Variants in SUCLG1 observed in about 807,000 individuals in gnomAD.
SUCLG1 encodes the protein succinate--CoA ligase [ADP/GDP-forming] subunit alpha, mitochondrial.
In SUCLG1, 26 loss-of-function variants were observed where a neutral mutation model predicts 37.3. That is an observed-to-expected ratio of 0.70 (90% CI 0.51 to 0.97). The LOEUF is 0.97. Ranked by LOEUF, SUCLG1 falls within the 50% of genes least tolerant of loss-of-function variation. The pLI is 0.00. For synonymous variants in SUCLG1, 163 were observed against 155.6 expected, an observed-to-expected ratio of 1.05 and a Z score of -0.36; for missense variants, 433 against 432.9, an observed-to-expected ratio of 1.00 and a Z score of 0.00.
chr2:84,442,150 C>G (rs1441290084), intron 3 of SUCLG1, among the ~76,000 whole-genome samples: 1 of 119,058 alleles, frequency 8.4e-6, no homozygotes, highest in African/African-American at 3.3e-5. Context: ...GATTGCTTAG[C>G]AAGAAGAACT....
In SUCLG1 at chr2:84,459,222, G is replaced by A. The variant is rs896561949; in HGVS notation, c.48C>T (p.Ser16=). 5.2e-6 allele frequency: 8 copies of A among 1,550,310 alleles called. No individual in the cohort carries two copies. In the African/African-American group the frequency reaches 9.6e-5, roughly 19 times the overall value. Residue 16 remains serine (S), a synonymous_variant, in exon 1 of 9, where the codon TCC becomes TCT. Coordinates refer to ENST00000393868, the MANE Select transcript of SUCLG1 (RefSeq NM_003849.4). ...GGGCGGCGGCGAGGCCGCTGCTGCC[G>A]GAGACCATGGTAGCGATGTCAGCGG... ...AAAADIATMV[S]GSSGLAAARL... is the part of the protein sequence containing the mutation.
At chr2:84,427,518 A>G (rs1390206861) in intron 7 of SUCLG1, among the ~76,000 whole-genome samples, 2 of 152,248 alleles carry the variant, frequency 1.3e-5, no homozygotes, top group Non-Finnish European at 2.9e-5. Flanking sequence ...ATAACAACAA[A>G]TCAGTTATCA....
chr2:84,430,148 C>G (rs747229922), intron 7 of SUCLG1, among the ~76,000 whole-genome samples: 2 of 152,172 alleles, frequency 1.3e-5, no homozygotes, highest in Non-Finnish European at 2.9e-5. Flanking sequence ...TGAATCAAGG[C>G]CACTGGTGAC....
intron 5 of SUCLG1, among the ~76,000 whole-genome samples, chr2:84,439,873 C>G (rs1219538501): frequency 1.3e-5 from 2 of 152,192 alleles, no homozygotes; most frequent in African/African-American, 2.4e-5. Flanking sequence ...TCTGAGTTCC[C>G]TTTCTGATCA....
At chr2:84,433,675 T>C (rs1672643393) in intron 5 of SUCLG1, 2 of 532,418 alleles carry the variant, frequency 3.8e-6, no homozygotes, top group Admixed American at 3.2e-5. Flanking sequence ...GGTTATTTTA[T>C]GACTATAAAA....
At chr2:84,436,782 T>A (rs1452892937) in intron 5 of SUCLG1, among the ~76,000 whole-genome samples, 1 of 152,174 alleles carries the variant, frequency 6.6e-6, no homozygotes, top group Non-Finnish European at 1.5e-5. Context: ...GTGCTTGAGA[T>A]TCTATAGCAG....
chr2:84,440,913 C>T, intron 5 of SUCLG1, 134 bp downstream of exon 5: 1 of 871,098 alleles, frequency 1.1e-6, no homozygotes, highest in Non-Finnish European at 1.9e-6. Context: ...TGATAGACTA[C>T]AAAACTTCCC....
At chr2:84,424,102 A>G (rs879529116) in intron 8 of SUCLG1, among the ~76,000 whole-genome samples, 1 of 152,230 alleles carries the variant, frequency 6.6e-6, no homozygotes, top group Admixed American at 6.5e-5. Flanking sequence ...GAGAAACTTC[A>G]TTATGCTTCT....
chr2:84,438,563 C>A (rs112634407), intron 5 of SUCLG1, among the ~76,000 whole-genome samples: 66 of 152,316 alleles, frequency 4.3e-4, no homozygotes, highest in African/African-American at 1.5e-3. Flanking sequence ...TTTCCCTTAA[C>A]TCTCAACCTA....
rs1007898113 is a variant in SUCLG1, at chr2:84,423,752, C to A, written c.1035G>T (p.Met345Ile). ...TIYKEFEKRK[M>I]L ...TAGGAATTTTTTTTTTCTTTCATAG[C>A]ATCTTCCTCTTTTCAAATTCCTTCA... is the stretch of plus-strand genomic sequence containing the variant. Residue 345 changes from methionine to isoleucine, a missense_variant, in exon 9 of 9, where the codon ATG (methionine) becomes ATT (isoleucine). By Grantham distance (10) the Met-to-Ile change is conservative. Coordinates refer to ENST00000393868, the MANE Select transcript of SUCLG1 (RefSeq NM_003849.4). The A allele has an allele frequency of 6.2e-6, 10 of 1,605,142 alleles. No individual in the cohort carries two copies. The highest frequency in any genetic ancestry group is 1.3e-5 in the African/African-American group (1 of 74,814).
chr2:84,459,136 C>T (rs955567404), intron 1 of SUCLG1, 37 bp downstream of exon 1: 2 of 1,527,834 alleles, frequency 1.3e-6, no homozygotes, highest in African/African-American at 2.8e-5. Context: ...GGCCAATAAC[C>T]CGCGGGCGCC....
chr2:84,434,349 C>T (rs1056670757), intron 5 of SUCLG1, among the ~76,000 whole-genome samples: 15 of 152,050 alleles, frequency 9.9e-5, no homozygotes, highest in African/African-American at 3.6e-4. Flanking sequence ...ATAAAGAAAA[C>T]TGGGGAATAA....
intron 2 of SUCLG1, among the ~76,000 whole-genome samples, chr2:84,444,247 A>G (rs529814086): frequency 4.6e-5 from 7 of 152,282 alleles, no homozygotes; most frequent in African/African-American, 1.2e-4. Flanking sequence ...TTCACCCCCG[A>G]TATTTCACTT....
chr2:84,431,719 T>G, intron 6 of SUCLG1, 60 bp from the exon 7 acceptor site: 1 of 1,574,828 alleles, frequency 6.3e-7, no homozygotes, highest in Non-Finnish European at 8.7e-7. Flanking sequence ...GGAATTTAGG[T>G]CAATAAATGT....
Position 84,440,965 on chromosome 2 carries a change from C to T in SUCLG1, c.589+82G>A, listed in dbSNP as rs796310282. ...AGTCAAATTAATTAAACTTGATTTG[C>T]AAAGTCAAAAATTCTTTGTGAGTTT... On this transcript the variant is annotated intron_variant, in intron 5 of 8. Transcript: ENST00000393868. 6 of 1,443,326 alleles carry T rather than the reference C, an allele frequency of 4.2e-6. No homozygotes were observed. The African/African-American group carries it at 8.4e-5, about 20-fold the overall frequency. The allele number at this position is 1,443,326 out of a possible 1,614,324, so 89.4% of individuals were successfully genotyped here. A position where few individuals can be genotyped will look rare whatever the true frequency, so the allele number is the denominator to read the frequency against.
chr2:84,425,939 C>T (rs1419416906), intron 7 of SUCLG1: 7 of 356,636 alleles, frequency 2.0e-5, no homozygotes, highest in Non-Finnish European at 3.7e-5. Flanking sequence ...ATTTAAGACA[C>T]AAGACTGGGT....
intron 1 of SUCLG1, among the ~76,000 whole-genome samples, chr2:84,458,859 AC>A (rs1194732205): frequency 1.3e-5 from 2 of 151,940 alleles, no homozygotes; most frequent in Non-Finnish European, 2.9e-5. Flanking sequence ...TCTAGACGCC[AC>A]CCCCATCCTG....
chr2:84,441,211 C>A (rs374859194), intron 4 of SUCLG1, 36 bp downstream of exon 4: 47 of 1,613,708 alleles, frequency 2.9e-5, no homozygotes, highest in Non-Finnish European at 3.6e-5. Context: ...TTGTGAGAGG[C>A]TTAATCTGAG....
At chr2:84,448,170 G>GA (rs60206307) in intron 2 of SUCLG1, among the ~76,000 whole-genome samples, 18 of 137,688 alleles carry the variant, frequency 1.3e-4, no homozygotes, top group African/African-American at 2.7e-4. Flanking sequence ...AGTTATTTCA[G>GA]AAAAAAAAAA....
Sources: gnomAD v4.1 joint callset for allele counts (sites outside exome capture counted in the v4.1 genomes callset) on GRCh38, gnomAD v4.1.1 for gene constraint, MANE v1.5 for transcripts, NCBI Gene and HGNC (gene_info 2026-07-23, HGNC 2026-07-21) for gene names.